The following SDK1 variants were observed in gnomAD, a reference collection of about 807,000 sequenced individuals.
SDK1 encodes sidekick cell adhesion molecule 1.
SDK1 carries 157 observed loss-of-function variants against 245.5 expected under a neutral mutation model. That is an observed-to-expected ratio of 0.64 (90% CI 0.56 to 0.73). The LOEUF (loss-of-function observed/expected upper bound fraction) is 0.73. SDK1 is among the 30% of genes least tolerant of loss of function. The pLI is 0.00. For synonymous variants in SDK1, 1,647 were observed against 1,278.5 expected (o/e 1.29, Z -6.15); for missense variants, 3,583 against 3,002.3 (o/e 1.19, Z -4.52).
At chr7:4,069,114 T>C (rs574903981) in intron 20 of SDK1, among the ~76,000 whole-genome samples, 1 of 152,318 alleles carries the variant, frequency 6.6e-6, no homozygotes, top group African/African-American at 2.4e-5. Context: ...AAAAGCAACA[T>C]AGGCTCTAGC....
At chr7:3,307,126 A>C (rs1257745017) in intron 1 of SDK1, among the ~76,000 whole-genome samples, 1 of 152,204 alleles carries the variant, frequency 6.6e-6, no homozygotes, top group Non-Finnish European at 1.5e-5. Context: ...CCAATTATAC[A>C]TTTAACCCAA....
intron 20 of SDK1, among the ~76,000 whole-genome samples, chr7:4,071,400 C>G (rs1390934152): frequency 6.6e-6 from 1 of 152,168 alleles, no homozygotes. Context: ...GAAGTGCCCA[C>G]TTTAAATAGT....
chr7:3,634,045 C>A (rs1782382109), intron 2 of SDK1, among the ~76,000 whole-genome samples: 1 of 152,126 alleles, frequency 6.6e-6, no homozygotes, highest in Non-Finnish European at 1.5e-5. Context: ...ATCACCAACC[C>A]CAGATTTAAA....
rs565886107 is a variant in SDK1, at chr7:3,477,726, C to G, written c.299-141354C>G. 2.4e-3 allele frequency among the ~76,000 whole-genome samples: 360 copies of G among 152,072 alleles called. 2 individuals carry two copies. Among genetic ancestry groups the G allele is most frequent in the African/African-American group, 8.1e-3 (338 of 41,492 alleles). On this transcript the variant is annotated intron_variant, in intron 1 of 44. Coordinates refer to ENST00000404826, the MANE Select transcript of SDK1 (RefSeq NM_152744.4). ...ATAGAGTCCCACTATGTTGTTCAGG[C>G]TTGTCCCGAACCTCTAGCTTAAAGT...
In SDK1 at chr7:3,824,203, A is replaced by G. The variant is rs150750142; in HGVS notation, c.847+2620A>G. Among the ~76,000 whole-genome samples, 107 of 152,268 alleles carry G rather than the reference A, an allele frequency of 7.0e-4. 1 individual carries two copies. Among genetic ancestry groups the G allele is most frequent in the South Asian group, 2.3e-3 (11 of 4,824 alleles). On this transcript the variant is annotated intron_variant, in intron 5 of 44. Transcript: ENST00000404826. ...ATGAAATTAGATATTCTCAAGACCT[A>G]TTGATACTGGGAGTAAGATAGAGTG...
chr7:3,840,844 C>T (rs1404362600), intron 5 of SDK1, among the ~76,000 whole-genome samples: 1 of 152,328 alleles, frequency 6.6e-6, no homozygotes. Context: ...ACCTAGGGAT[C>T]GGGACCTCTG....
chr7:4,073,148 C>G (rs1780370219), intron 20 of SDK1, among the ~76,000 whole-genome samples: 1 of 152,200 alleles, frequency 6.6e-6, no homozygotes, highest in Non-Finnish European at 1.5e-5. Context: ...TACCCCCGCT[C>G]CTGGCTCCGG....
chr7:3,634,734 T>C lies in SDK1; in HGVS notation c.459-4270T>C, dbSNP rs149755845. On this transcript the variant is annotated intron_variant, in intron 2 of 44. Coordinates refer to ENST00000404826, the MANE Select transcript of SDK1 (RefSeq NM_152744.4). The stretch of plus-strand genomic sequence containing the variant: ...AATTCCCATAATAGGTGGAGGACTT[T>C]GCAACTTTCTTCATATTTTTTCCTT... Among the ~76,000 whole-genome samples the C allele has an allele frequency of 4.0e-3, 611 of 152,348 alleles. 7 individuals carry two copies. Among genetic ancestry groups the C allele is most frequent in the African/African-American group, 0.014 (571 of 41,572 alleles).
rs1414064517 is a variant in SDK1 at position 4,125,151 on chromosome 7, TATGG to T, written c.3824-2217_3824-2214del. 1.4e-3 allele frequency among the ~76,000 whole-genome samples: 153 copies of T among 109,764 alleles called. 2 individuals carry two copies. The highest frequency in any genetic ancestry group is 5.2e-3 in the African/African-American group (143 of 27,302). The allele number at this position is 109,764 out of a possible 152,430, so 72.0% of individuals were successfully genotyped here. ...GGATGGAAAGATGGAATGATCGATT[TATGG>T]ATGGATGGATGGGTGGATGGATGGA... On this transcript the variant is annotated intron_variant, in intron 25 of 44. Transcript: ENST00000404826.
At position 3,856,537 on chromosome 7, in the gene SDK1, T is replaced by A. The variant is rs182469275; in HGVS notation, c.847+34954T>A. Among the ~76,000 whole-genome samples, 69 of 137,842 alleles carry A rather than the reference T, an allele frequency of 5.0e-4. 2 individuals are homozygous for A. The South Asian group carries it at 7.7e-3, about 15-fold the overall frequency. 90.4% of individuals were successfully genotyped at this position (137,842 alleles called of 152,430 possible). A position where few individuals can be genotyped will look rare whatever the true frequency, so the allele number is the denominator to read the frequency against. On this transcript the variant is annotated intron_variant, in intron 5 of 44. Transcript: ENST00000404826. ...CGGGCATGGTGGCTCACGCTTGCAA[T>A]CCCAGTACTTTGGGAGGCCGAGGCA...
At chr7:4,177,815 A>G (rs930937066) in intron 34 of SDK1, among the ~76,000 whole-genome samples, 2 of 152,234 alleles carry the variant, frequency 1.3e-5, no homozygotes, top group Non-Finnish European at 1.5e-5. Context: ...ACCATCACGT[A>G]GAATCAGTGG....
At chr7:3,731,471 G>C (rs376519939) in intron 4 of SDK1, among the ~76,000 whole-genome samples, 5 of 152,278 alleles carry the variant, frequency 3.3e-5, no homozygotes, top group African/African-American at 7.2e-5. Context: ...GACAGCTTCC[G>C]ACGAGTTGCC....
At chr7:3,438,211 G>A (rs148304729) in intron 1 of SDK1, among the ~76,000 whole-genome samples, 2,122 of 152,194 alleles carry the variant, frequency 0.014, 28 homozygotes, top group South Asian at 0.029. Flanking sequence ...TAAACTGAAC[G>A]TTTGCTGCTA....
chr7:3,888,624 C>G (rs752579513), intron 5 of SDK1, among the ~76,000 whole-genome samples: 1 of 152,148 alleles, frequency 6.6e-6, no homozygotes, highest in Non-Finnish European at 1.5e-5. Flanking sequence ...ACAGGAGTGA[C>G]TTTGATAAAT....
chr7:4,152,711 G>A (rs1780467015), intron 30 of SDK1, among the ~76,000 whole-genome samples: 1 of 152,216 alleles, frequency 6.6e-6, no homozygotes, highest in South Asian at 2.1e-4. Context: ...GTGATATTTT[G>A]TACACTGCCA....
chr7:3,547,981 G>A (rs1222833978), intron 1 of SDK1, among the ~76,000 whole-genome samples: 1 of 152,146 alleles, frequency 6.6e-6, no homozygotes, highest in Admixed American at 6.5e-5. Flanking sequence ...TCTTCCTTCT[G>A]TTCTTTTGAA....
chr7:4,080,024 G>A (rs1284971472), intron 22 of SDK1, among the ~76,000 whole-genome samples: 1 of 152,190 alleles, frequency 6.6e-6, no homozygotes, highest in Non-Finnish European at 1.5e-5. Context: ...GAGCACGGGG[G>A]CTATTGCAGT....
At chr7:4,145,009 G>A (rs1483937552) in intron 28 of SDK1, among the ~76,000 whole-genome samples, 1 of 152,186 alleles carries the variant, frequency 6.6e-6, no homozygotes, top group Non-Finnish European at 1.5e-5. Flanking sequence ...GGAGGCCTGG[G>A]GCGGCCAGTG....
rs563327356 is a variant in SDK1 at position 4,187,860 on chromosome 7, T to A, written c.5098+9274T>A. ...TCAACTGTTAGAAAATTCCTAGTTG[T>A]ATTGGTTTTCATGCTGCTGATAAAG... On this transcript the variant is annotated intron_variant, in intron 35 of 44. Coordinates refer to ENST00000404826, the MANE Select transcript of SDK1 (RefSeq NM_152744.4). 5.4e-3 allele frequency among the ~76,000 whole-genome samples: 826 copies of A among 152,276 alleles called. 9 individuals carry two copies. The highest frequency in any genetic ancestry group is 0.019 in the African/African-American group (794 of 41,548).
Sources: allele counts gnomAD v4.1 joint callset (sites outside exome capture counted in the v4.1 genomes callset), GRCh38; gene constraint gnomAD v4.1.1; transcripts MANE v1.5; gene names NCBI Gene and HGNC (gene_info 2026-07-23, HGNC 2026-07-21).